The following DMD variants were observed in gnomAD, a reference collection of about 807,000 sequenced individuals.
DMD encodes dystrophin, also known as mutant dystrophin.
A neutral mutation model predicts 330.1 loss-of-function variants in DMD; 63 were observed. The observed-to-expected ratio is 0.19, with a 90% CI of 0.16 to 0.24. DMD has a LOEUF of 0.24. Among genes scored for constraint, DMD ranks in the 10% least tolerant of loss-of-function variants. The pLI is 1.00. For synonymous variants in DMD, 1,223 were observed against 959.8 expected, an observed-to-expected ratio of 1.27 and a Z score of -5.07; for missense variants, 3,344 against 2,684.1, an observed-to-expected ratio of 1.25 and a Z score of -5.43.
At position 33,211,525 on chromosome X, in the gene DMD, T is replaced by G; in HGVS notation, c.-213A>C. ...GGGGGAAAGTGAGTGATCCCAACACTGAGTGAGTCAACACAGTAACTGATG... is the reference window on the plus strand; with the variant it reads ...GGGGGAAAGTGAGTGATCCCAACACGGAGTGAGTCAACACAGTAACTGATG... On this transcript the variant is annotated 5_prime_UTR_variant, in exon 1 of 79. Coordinates refer to ENST00000357033, the MANE Select transcript of DMD (RefSeq NM_004006.3). The G allele has an allele frequency of 9.3e-7, 1 of 1,070,378 alleles. No homozygotes were observed. The highest frequency in any genetic ancestry group is 1.2e-6 in the Non-Finnish European group (1 of 826,451). The allele number at this position is 1,070,378 out of a possible 1,213,427, so 88.2% of individuals were successfully genotyped here.
At chrX:32,944,631 G>T (rs2090665332) in intron 2 of DMD, among the ~76,000 whole-genome samples, 1 of 103,033 alleles carries the variant, frequency 9.7e-6, no homozygotes, top group African/African-American at 3.6e-5. Flanking sequence ...TTTATACAGA[G>T]TCTTGCTCTG....
chrX:32,815,520 T>TATATATACAC, intron 6 of DMD, among the ~76,000 whole-genome samples: 20 of 78,914 alleles, frequency 2.5e-4, no homozygotes, highest in East Asian at 1.5e-3. Context: ...TATATATATA[T>TATATATACAC]ACACACACAC....
intron 7 of DMD, among the ~76,000 whole-genome samples, chrX:32,771,819 TTTTATC>T (rs1204784229): frequency 8.9e-6 from 1 of 111,906 alleles, no homozygotes; most frequent in Non-Finnish European, 1.9e-5. Flanking sequence ...GAGGATTTTG[TTTTATC>T]TTTGAGGTTT....
chrX:32,311,442 G>A (rs1446413064), intron 41 of DMD, among the ~76,000 whole-genome samples: 1 of 111,163 alleles, frequency 9.0e-6, no homozygotes, highest in Admixed American at 9.6e-5. Context: ...TAATTTCTCT[G>A]ACCTAGGATT....
chrX:31,709,089 T>G (rs1368081015), intron 52 of DMD, among the ~76,000 whole-genome samples: 2 of 111,582 alleles, frequency 1.8e-5, no homozygotes, highest in Non-Finnish European at 3.8e-5. Context: ...CTGACCAACA[T>G]GGTGAAGTCC....
intron 60 of DMD, among the ~76,000 whole-genome samples, chrX:31,351,746 C>CAAAAAAAAAAAAAAAAAAAAAAAA (rs1300313892): frequency 2.9e-4 from 21 of 71,541 alleles, no homozygotes; most frequent in African/African-American, 1.1e-3. Flanking sequence ...AAAAAAAAAG[C>CAAAAAAAAAAAAAAAAAAAAAAAA]AAAAAAGGAG....
rs1314819899 is a variant in DMD at position 31,456,874 on chromosome X, GTGTATA to G, written c.8938-12253_8938-12248del. ...TGTGTGTGTGTGTGTGTGTGTGTGTGTGTATATATATATATATTATATACCTATCAT... is the reference window on the plus strand; with the variant it reads ...TGTGTGTGTGTGTGTGTGTGTGTGTGTATATATATATTATATACCTATCAT... On this transcript the variant is annotated intron_variant, in intron 59 of 78. Transcript: ENST00000357033. Among the ~76,000 whole-genome samples the G allele has an allele frequency of 4.2e-3, 394 of 93,550 alleles. 1 individual carries two copies. The highest frequency in any genetic ancestry group is 0.016 in the African/African-American group (377 of 23,035). The allele number at this position is 93,550 out of a possible 115,157, so 81.2% of individuals were successfully genotyped here. A position where few individuals can be genotyped will look rare whatever the true frequency, so the allele number is the denominator to read the frequency against.
intron 57 of DMD, among the ~76,000 whole-genome samples, chrX:31,483,306 A>C (rs1438597950): frequency 9.0e-6 from 1 of 111,107 alleles, no homozygotes; most frequent in Non-Finnish European, 1.9e-5. Context: ...TTGGCCTCCC[A>C]AAGTGCTGGG....
At chrX:31,726,811 A>G (rs767309831) in intron 52 of DMD, among the ~76,000 whole-genome samples, 2 of 112,203 alleles carry the variant, frequency 1.8e-5, no homozygotes, top group Non-Finnish European at 3.8e-5. Flanking sequence ...ACATCTCGAC[A>G]GACACTTGCT....
intron 56 of DMD, among the ~76,000 whole-genome samples, chrX:31,500,555 T>C (rs928436271): frequency 4.4e-5 from 5 of 112,413 alleles, no homozygotes; most frequent in African/African-American, 6.5e-5. Context: ...TTCTAATACA[T>C]TTATCGGAAG....
At chrX:31,590,444 T>A (rs2076815163) in intron 55 of DMD, among the ~76,000 whole-genome samples, 1 of 111,869 alleles carries the variant, frequency 8.9e-6, no homozygotes, top group Non-Finnish European at 1.9e-5. Flanking sequence ...CATTTTCTTG[T>A]TAAGTTGCGA....
At chrX:32,043,936 G>T (rs1285048127) in intron 44 of DMD, among the ~76,000 whole-genome samples, 2 of 111,799 alleles carry the variant, frequency 1.8e-5, no homozygotes, top group African/African-American at 3.3e-5. Flanking sequence ...TAAACAAGTT[G>T]GGGGGTAATA....
At chrX:32,501,320 T>C (rs190984609) in intron 19 of DMD, among the ~76,000 whole-genome samples, 60 of 112,107 alleles carry the variant, frequency 5.4e-4, no homozygotes, top group Admixed American at 9.5e-4. Context: ...TATATATTAT[T>C]ACAAAACAGG....
chrX:31,373,882 C>G (rs1389433090), intron 60 of DMD, among the ~76,000 whole-genome samples: 1 of 109,215 alleles, frequency 9.2e-6, no homozygotes, highest in Non-Finnish European at 1.9e-5. Context: ...AGTGAACAGG[C>G]AACCTACAAA....
intron 1 of DMD, among the ~76,000 whole-genome samples, chrX:33,295,489 G>GTA (rs2053571058): frequency 9.0e-6 from 1 of 110,589 alleles, no homozygotes; most frequent in Non-Finnish European, 1.9e-5. Context: ...ACAGACATAA[G>GTA]TATATATAAT....
intron 60 of DMD, among the ~76,000 whole-genome samples, chrX:31,370,709 T>C (rs2059512513): frequency 8.9e-6 from 1 of 112,393 alleles, no homozygotes; most frequent in African/African-American, 3.2e-5. Flanking sequence ...TAAAAACTTA[T>C]GTTCACACAA....
chrX:32,615,980 T>A (rs754476357), intron 11 of DMD, among the ~76,000 whole-genome samples: 1 of 111,351 alleles, frequency 9.0e-6, no homozygotes, highest in African/African-American at 3.3e-5. Context: ...TGCTTTTGGC[T>A]ATGACAGTTT....
intron 11 of DMD, among the ~76,000 whole-genome samples, chrX:32,615,247 G>A (rs1458122247): frequency 9.0e-6 from 1 of 111,476 alleles, no homozygotes; most frequent in African/African-American, 3.3e-5. Flanking sequence ...AAATAGACTA[G>A]AGAAAGGGTG....
At chrX:32,659,914 G>T (rs1290981033) in intron 9 of DMD, among the ~76,000 whole-genome samples, 1 of 110,684 alleles carries the variant, frequency 9.0e-6, no homozygotes. Flanking sequence ...TCAAAGAATG[G>T]TATTAATTCT....
Sources: allele counts gnomAD v4.1 joint callset (sites outside exome capture counted in the v4.1 genomes callset), GRCh38; gene constraint gnomAD v4.1.1; transcripts MANE v1.5; gene names NCBI Gene and HGNC (gene_info 2026-07-23, HGNC 2026-07-21).